SHC4: variants seen among roughly 807,000 people sequenced by gnomAD.
SHC4 encodes the protein SHC-transforming protein 4.
A neutral mutation model predicts 69.4 loss-of-function variants in SHC4; 41 were observed. The observed-to-expected ratio is 0.59, with a 90% CI of 0.46 to 0.77. The LOEUF is 0.77. Ranked by LOEUF, SHC4 falls within the 30% of genes least tolerant of loss-of-function variation. The pLI is 0.00. For synonymous variants in SHC4, 318 were observed against 299.3 expected, an observed-to-expected ratio of 1.06 and a Z score of -0.64; for missense variants, 777 against 783.8, an observed-to-expected ratio of 0.99 and a Z score of 0.10.
At chr15:48,952,272 C>A (rs1901376750) in intron 1 of SHC4, among the ~76,000 whole-genome samples, 1 of 152,138 alleles carries the variant, frequency 6.6e-6, no homozygotes, top group Non-Finnish European at 1.5e-5. Context: ...CTGGGGTTGT[C>A]CCTAAAGCAC....
intron 9 of SHC4, among the ~76,000 whole-genome samples, chr15:48,848,610 G>C (rs1899143278): frequency 6.6e-6 from 1 of 152,120 alleles, no homozygotes; most frequent in African/African-American, 2.4e-5. Context: ...TTTTATTAAA[G>C]TCTGTTAATG....
At chr15:48,887,072 A>G (rs1231467720) in intron 3 of SHC4, among the ~76,000 whole-genome samples, 1 of 152,210 alleles carries the variant, frequency 6.6e-6, no homozygotes, top group Non-Finnish European at 1.5e-5. Flanking sequence ...AGGAACCCCC[A>G]GTTCTTTTGG....
At chr15:48,959,363 T>A (rs745894834) in intron 1 of SHC4, among the ~76,000 whole-genome samples, 2 of 152,246 alleles carry the variant, frequency 1.3e-5, no homozygotes, top group Non-Finnish European at 2.9e-5. Context: ...TCAGACCTGG[T>A]CTCTTTTGTT....
chr15:48,826,466 C>A (rs976615740), intron 11 of SHC4, among the ~76,000 whole-genome samples: 2 of 151,958 alleles, frequency 1.3e-5, no homozygotes, highest in African/African-American at 4.8e-5. Flanking sequence ...CCAGGCTAGT[C>A]TCAAACTCCT....
intron 2 of SHC4, among the ~76,000 whole-genome samples, chr15:48,920,018 T>G (rs1438247030): frequency 1.3e-5 from 2 of 151,168 alleles, no homozygotes; most frequent in South Asian, 2.1e-4. Context: ...GGAGTTTGTT[T>G]TTTTTTTTTT....
At chr15:48,881,048 G>C (rs1401341048) in intron 4 of SHC4, among the ~76,000 whole-genome samples, 1 of 149,404 alleles carries the variant, frequency 6.7e-6, no homozygotes, top group Non-Finnish European at 1.5e-5. Flanking sequence ...GCTAGAGAAA[G>C]GAGTTCTGGG....
intron 2 of SHC4, among the ~76,000 whole-genome samples, chr15:48,918,179 G>T (rs1900667580): frequency 1.3e-5 from 2 of 151,718 alleles, no homozygotes; most frequent in African/African-American, 4.8e-5. Flanking sequence ...AATTTTTTTT[G>T]AAAAAACACA....
At chr15:48,877,657 A>G (rs546670865) in intron 4 of SHC4, 1 of 712,208 alleles carries the variant, frequency 1.4e-6, no homozygotes, top group Admixed American at 6.3e-5. Context: ...AAAAAGTACA[A>G]TATATCTGTT....
chr15:48,934,856 A>C (rs551850904), intron 1 of SHC4, among the ~76,000 whole-genome samples: 2 of 152,132 alleles, frequency 1.3e-5, no homozygotes, highest in Non-Finnish European at 2.9e-5. Context: ...TAAAAGACTG[A>C]TTTTATTTTA....
intron 2 of SHC4, among the ~76,000 whole-genome samples, chr15:48,897,078 C>CTG (rs1282226613): frequency 2.6e-5 from 4 of 152,344 alleles, no homozygotes; most frequent in African/African-American, 9.6e-5. Context: ...CTTTTTGGAG[C>CTG]TGAGTGGCGG....
intron 2 of SHC4, among the ~76,000 whole-genome samples, chr15:48,896,273 T>C (rs1218004805): frequency 1.6e-5 from 2 of 126,292 alleles, no homozygotes; most frequent in South Asian, 3.1e-4. Context: ...TCCCTCTCCC[T>C]CTCTCTCTCT....
intron 9 of SHC4, among the ~76,000 whole-genome samples, chr15:48,847,813 A>G (rs1285953214): frequency 6.6e-6 from 1 of 152,030 alleles, no homozygotes; most frequent in Non-Finnish European, 1.5e-5. Context: ...GACCAACCTG[A>G]CCAACATGGA....
intron 6 of SHC4, among the ~76,000 whole-genome samples, chr15:48,863,058 T>A (rs1042157816): frequency 2.6e-5 from 3 of 117,308 alleles, no homozygotes; most frequent in Admixed American, 1.0e-4. Flanking sequence ...TTCTCCTGGA[T>A]GAAACAAACT....
chr15:48,853,090 ACT>A (rs1899246986), intron 8 of SHC4, among the ~76,000 whole-genome samples: 1 of 151,942 alleles, frequency 6.6e-6, no homozygotes, highest in South Asian at 2.1e-4. Flanking sequence ...AAAACACTAG[ACT>A]CTGCCAAAAG....
intron 9 of SHC4, among the ~76,000 whole-genome samples, chr15:48,845,310 T>G (rs1899066161): frequency 6.6e-6 from 1 of 152,196 alleles, no homozygotes; most frequent in Non-Finnish European, 1.5e-5. Context: ...TCTTACCACC[T>G]GCTTCTCCTT....
At chr15:48,841,871 C>G (rs940795042) in intron 10 of SHC4, among the ~76,000 whole-genome samples, 2 of 152,156 alleles carry the variant, frequency 1.3e-5, no homozygotes, top group Non-Finnish European at 2.9e-5. Flanking sequence ...AATAAGGACC[C>G]CTGGTTCTTA....
intron 9 of SHC4, among the ~76,000 whole-genome samples, chr15:48,847,065 T>A (rs1199257706): frequency 1.3e-5 from 2 of 151,454 alleles, no homozygotes; most frequent in Non-Finnish European, 2.9e-5. Flanking sequence ...GTTGGTAATG[T>A]TGCCTTAAAT....
At chr15:48,896,359 CGGCCA>C in intron 2 of SHC4, among the ~76,000 whole-genome samples, 1 of 147,148 alleles carries the variant, frequency 6.8e-6, no homozygotes, top group East Asian at 2.0e-4. Flanking sequence ...CTCACTCTGT[CGGCCA>C]GGCTGGAGTT....
At chr15:48,906,559 A>G (rs764374292) in intron 2 of SHC4, among the ~76,000 whole-genome samples, 7 of 152,000 alleles carry the variant, frequency 4.6e-5, no homozygotes, top group Non-Finnish European at 7.4e-5. Flanking sequence ...TATTGCCACA[A>G]TACAGTGCTG....
Sources: allele counts gnomAD v4.1 joint callset (sites outside exome capture counted in the v4.1 genomes callset), GRCh38; gene constraint gnomAD v4.1.1; transcripts MANE v1.5; gene names NCBI Gene and HGNC (gene_info 2026-07-23, HGNC 2026-07-21).